OSMR: variants seen among roughly 807,000 people sequenced by gnomAD.
The protein encoded by OSMR is oncostatin-M-specific receptor subunit beta.
OSMR carries 81 observed loss-of-function variants against 99.9 expected under a neutral mutation model. The ratio of observed to expected loss-of-function variants is 0.81; its 90% confidence interval spans 0.68 to 0.97. OSMR has a LOEUF of 0.97. Ranked by LOEUF, OSMR falls within the 50% of genes least tolerant of loss-of-function variation. OSMR has a pLI of 0.00. For missense variants in OSMR, 1,099 were observed against 1,153.4 expected (o/e 0.95, Z 0.68); for synonymous variants, 406 against 410.4 (o/e 0.99, Z 0.13).
chr5:38,945,501 A>G, downstream of OSMR: 1 of 1,605,918 alleles, frequency 6.2e-7, no homozygotes, highest in Non-Finnish European at 8.5e-7. Context: ...CTGAATGACT[A>G]CATATTGCAC....
At chr5:38,868,683 A>G (rs189058153) in intron 1 of OSMR, among the ~76,000 whole-genome samples, 123 of 152,314 alleles carry the variant, frequency 8.1e-4, no homozygotes, top group African/African-American at 2.9e-3. Flanking sequence ...AGTCTCAGAT[A>G]TGTCTTTATC....
chr5:38,929,001 G>GTGAC (rs1413438466), intron 15 of OSMR, among the ~76,000 whole-genome samples: 2 of 152,016 alleles, frequency 1.3e-5, no homozygotes, highest in African/African-American at 4.8e-5. Context: ...GGCTTGGCTT[G>GTGAC]TGACTATTGA....
At chr5:38,925,732 C>G (rs185103129) in intron 15 of OSMR, among the ~76,000 whole-genome samples, 1 of 152,330 alleles carries the variant, frequency 6.6e-6, no homozygotes, top group East Asian at 1.9e-4. Flanking sequence ...CACAAGGCTT[C>G]TGTCTAGAGA....
chr5:38,866,391 C>T (rs757278864), intron 1 of OSMR, among the ~76,000 whole-genome samples: 2 of 152,104 alleles, frequency 1.3e-5, no homozygotes, highest in Non-Finnish European at 2.9e-5. Flanking sequence ...AGGTGGGGGG[C>T]AGGTTAGAGT....
In OSMR at chr5:38,931,247, C is replaced by A. The variant is rs567375449; in HGVS notation, c.2213-636C>A. Among the ~76,000 whole-genome samples the A allele has an allele frequency of 2.0e-5, 3 of 152,264 alleles. No homozygotes were observed. In the East Asian group the frequency reaches 5.8e-4, roughly 29 times the overall value. On this transcript the variant is annotated intron_variant, in intron 15 of 17. Transcript: ENST00000274276. ...GATGTGTAACAAACACCCTCAAAAG[C>A]TCCGTGGCATACAAGAACAAATCTA... is the stretch of plus-strand genomic sequence containing the variant.
chr5:38,874,609 C>T (rs1230312186), intron 2 of OSMR, among the ~76,000 whole-genome samples: 1 of 152,188 alleles, frequency 6.6e-6, no homozygotes, highest in Non-Finnish European at 1.5e-5. Flanking sequence ...CCCATCCTGT[C>T]ACCTGTGTCC....
intron 1 of OSMR, among the ~76,000 whole-genome samples, chr5:38,852,933 G>T (rs188384755): frequency 4.0e-5 from 6 of 151,178 alleles, no homozygotes; most frequent in African/African-American, 1.5e-4. Flanking sequence ...GGGTTTCACC[G>T]TGTTAGCCAG....
At position 38,921,660 on chromosome 5, in the gene OSMR, C is replaced by T. The variant is rs760228473; in HGVS notation, c.1631C>T (p.Ser544Phe). The change falls in exon 12 of 18, where the codon TCT (serine) becomes TTT (phenylalanine). Residue 544 changes from serine to phenylalanine, a missense_variant. Ser to Phe is a radical substitution (Grantham distance 155). Transcript: ENST00000274276. ...ATTGCAGGCACAGAGGGTGGATTCT[C>T]TCTGTCTTGGAAACCCCAACCTGGA... ...ERIAGTEGGF[S>F]LSWKPQPGDV... 7.4e-6 allele frequency: 12 copies of T among 1,614,162 alleles called. No individual in the cohort carries two copies. The highest frequency in any genetic ancestry group is 1.6e-4 in the Middle Eastern group (1 of 6,062).
At chr5:38,932,001 TAAGAG>T (rs1386284266) in intron 16 of OSMR, 37 bp downstream of exon 16, 3 of 1,458,172 alleles carry the variant, frequency 2.1e-6, no homozygotes, top group African/African-American at 1.4e-5. Context: ...AAGAAGAGAG[TAAGAG>T]AAAAGTCTGG....
chr5:38,894,454 T>C (rs867997977), intron 7 of OSMR, among the ~76,000 whole-genome samples: 2 of 152,034 alleles, frequency 1.3e-5, no homozygotes, highest in South Asian at 2.1e-4. Flanking sequence ...AAGAGACCCA[T>C]CTTACATGTA....
At chr5:38,918,022 C>T (rs1286370552) in intron 10 of OSMR, among the ~76,000 whole-genome samples, 1 of 152,138 alleles carries the variant, frequency 6.6e-6, no homozygotes, top group Non-Finnish European at 1.5e-5. Flanking sequence ...TCTATCTTGA[C>T]TAATACACCT....
At chr5:38,885,967 A>C in intron 6 of OSMR, 72 bp from the exon 7 acceptor site, 1 of 1,587,084 alleles carries the variant, frequency 6.3e-7, no homozygotes, top group South Asian at 1.2e-5. Flanking sequence ...GCCCTGAGGG[A>C]TAAGGGATAC....
chr5:38,870,355 A>G (rs1182797259), intron 2 of OSMR, among the ~76,000 whole-genome samples: 6 of 138,326 alleles, frequency 4.3e-5, no homozygotes, highest in Non-Finnish European at 9.2e-5. Context: ...TTTTTGAGAC[A>G]GAGTCCTGCT....
chr5:38,931,408 C>T (rs1377849737), intron 15 of OSMR, among the ~76,000 whole-genome samples: 1 of 152,174 alleles, frequency 6.6e-6, no homozygotes, highest in South Asian at 2.1e-4. Context: ...GAAGTCGCAG[C>T]AGCTACCTGG....
intron 11 of OSMR, among the ~76,000 whole-genome samples, chr5:38,920,418 GT>G (rs1188761271): frequency 6.6e-6 from 1 of 152,198 alleles, no homozygotes; most frequent in African/African-American, 2.4e-5. Context: ...CTTTCTAAGA[GT>G]TTCAACCCTG....
chr5:38,917,261 T>A (rs978545318), intron 9 of OSMR: 38 of 210,314 alleles, frequency 1.8e-4, no homozygotes, highest in Non-Finnish European at 8.2e-5. Context: ...ATTGGTCTAA[T>A]GGACAAATTA....
At chr5:38,911,439 A>G (rs1745574381) in intron 9 of OSMR, among the ~76,000 whole-genome samples, 1 of 152,176 alleles carries the variant, frequency 6.6e-6, no homozygotes, top group African/African-American at 2.4e-5. Flanking sequence ...TAGGAACCAG[A>G]GAAAGCCCAG....
chr5:38,904,142 C>A, intron 8 of OSMR, 118 bp downstream of exon 8: 1 of 1,541,560 alleles, frequency 6.5e-7, no homozygotes. Context: ...TGGTGTGGGT[C>A]ATCTGTTTTA....
chr5:38,889,125 C>T (rs759719166), intron 7 of OSMR, among the ~76,000 whole-genome samples: 31 of 151,590 alleles, frequency 2.0e-4, no homozygotes, highest in Admixed American at 3.3e-4. Flanking sequence ...TTCTTTAAAA[C>T]CTTTGTCTTG....
Sources: gnomAD v4.1 joint callset for allele counts (sites outside exome capture counted in the v4.1 genomes callset) on GRCh38, gnomAD v4.1.1 for gene constraint, MANE v1.5 for transcripts, NCBI Gene and HGNC (gene_info 2026-07-23, HGNC 2026-07-21) for gene names.